RASGEF1C: variants seen among roughly 807,000 people sequenced by gnomAD.
RASGEF1C encodes the protein RasGEF domain family member 1C.
In RASGEF1C, 27 loss-of-function variants were observed where a neutral mutation model predicts 58.1. That is an observed-to-expected ratio of 0.46 (90% CI 0.34 to 0.64). The LOEUF (loss-of-function observed/expected upper bound fraction) is 0.64. Ranked by LOEUF, RASGEF1C falls within the 30% of genes least tolerant of loss-of-function variation. The pLI is 0.01. For missense variants in RASGEF1C, 502 were observed against 605.1 expected (o/e 0.83, Z 1.79); for synonymous variants, 243 against 246.3 (o/e 0.99, Z 0.13).
intron 11 of RASGEF1C, among the ~76,000 whole-genome samples, chr5:180,112,472 G>A (rs1249995011): frequency 6.6e-6 from 1 of 152,244 alleles, no homozygotes; most frequent in Non-Finnish European, 1.5e-5. Flanking sequence ...CTGGGCTATA[G>A]ATGAAGACCC....
intron 12 of RASGEF1C, among the ~76,000 whole-genome samples, chr5:180,108,204 C>T (rs1334191614): frequency 4.0e-4 from 50 of 124,970 alleles, no homozygotes; most frequent in African/African-American, 1.5e-3. Flanking sequence ...TTCTTTCTTT[C>T]TTTTTTTTTT....
intron 1 of RASGEF1C, among the ~76,000 whole-genome samples, chr5:180,200,792 C>A (rs936974948): frequency 2.0e-5 from 3 of 152,086 alleles, no homozygotes. Flanking sequence ...GGAGACAGGG[C>A]GCGCGCTCCT....
chr5:180,113,117 G>A (rs1369072954), intron 11 of RASGEF1C, among the ~76,000 whole-genome samples: 3 of 126,866 alleles, frequency 2.4e-5, no homozygotes, highest in Admixed American at 1.5e-4. Context: ...GGAGGGACCG[G>A]GGATGGACGG....
chr5:180,180,915 C>T lies in RASGEF1C; in HGVS notation c.-7+28113G>A, dbSNP rs6883639. ...CCCTTTAATTTCAATTGCAAAGAAACACCAAGAGGGATCGCCGCATACAGC... is the reference window on the plus strand; with the variant it reads ...CCCTTTAATTTCAATTGCAAAGAAATACCAAGAGGGATCGCCGCATACAGC... On this transcript the variant is annotated intron_variant, in intron 1 of 13. Coordinates refer to ENST00000361132, the MANE Select transcript of RASGEF1C (RefSeq NM_175062.4). 7.6e-3 allele frequency among the ~76,000 whole-genome samples: 1,164 copies of T among 152,318 alleles called. 16 individuals carry two copies. The highest frequency in any genetic ancestry group is 0.027 in the African/African-American group (1,108 of 41,560).
intron 1 of RASGEF1C, among the ~76,000 whole-genome samples, chr5:180,164,319 ATGAT>A (rs899866620): frequency 2.0e-5 from 3 of 152,028 alleles, no homozygotes; most frequent in African/African-American, 7.2e-5. Context: ...TGAAATTTCA[ATGAT>A]TGATTTGAGA....
In RASGEF1C at chr5:180,133,673, A is replaced by ATGT. The variant is rs1260450155; in HGVS notation, c.438+2704_438+2705insACA. On this transcript the variant is annotated intron_variant, in intron 4 of 13. Transcript: ENST00000361132. ...TATGTCTATGGTTTGCTTACAGCTA[A>ATGT]CTTGTGGGAAAGCAAAATGTGTGTG... 7.2e-3 allele frequency among the ~76,000 whole-genome samples: 1,093 copies of ATGT among 152,334 alleles called. 12 individuals are homozygous for ATGT. The highest frequency in any genetic ancestry group is 0.026 in the African/African-American group (1,060 of 41,558).
chr5:180,208,558 A>C (rs1756534196), intron 1 of RASGEF1C, among the ~76,000 whole-genome samples: 1 of 152,010 alleles, frequency 6.6e-6, no homozygotes, highest in African/African-American at 2.4e-5. Context: ...CTTTCCTCAA[A>C]TCCGATCCCA....
At chr5:180,153,178 T>C (rs1323963889) in intron 1 of RASGEF1C, among the ~76,000 whole-genome samples, 7 of 152,152 alleles carry the variant, frequency 4.6e-5, no homozygotes. Context: ...ATGGAAGCCT[T>C]TTCACCAAGT....
intron 6 of RASGEF1C, among the ~76,000 whole-genome samples, chr5:180,121,660 CACACACACACACACACACACA>C (rs1310139054): frequency 4.6e-5 from 4 of 87,010 alleles, no homozygotes; most frequent in East Asian, 4.6e-4. Flanking sequence ...CACACACACA[CACACACACACACACACACACA>C]CCCTCATTAT....
At chr5:180,106,486 G>A (rs1441509936) in intron 12 of RASGEF1C, among the ~76,000 whole-genome samples, 1 of 152,078 alleles carries the variant, frequency 6.6e-6, no homozygotes, top group Admixed American at 6.6e-5. Context: ...TTTTCAGTCA[G>A]TTCAATTATT....
intron 1 of RASGEF1C, among the ~76,000 whole-genome samples, chr5:180,201,151 C>G (rs1756388567): frequency 6.6e-6 from 1 of 152,064 alleles, no homozygotes; most frequent in African/African-American, 2.4e-5. Context: ...ACAGAGCACG[C>G]CTGAGGGTGG....
chr5:180,121,997 C>G (rs992200498), intron 6 of RASGEF1C, among the ~76,000 whole-genome samples: 1 of 152,194 alleles, frequency 6.6e-6, no homozygotes, highest in Non-Finnish European at 1.5e-5. Flanking sequence ...CGCACAAAGG[C>G]TGCTCTGTGC....
chr5:180,177,937 T>A lies in RASGEF1C; in HGVS notation c.-7+31091A>T, dbSNP rs1218071810. Among the ~76,000 whole-genome samples the A allele has an allele frequency of 1.3e-5, 2 of 151,124 alleles. No individual in the cohort carries two copies. The highest frequency in any genetic ancestry group is 2.9e-5 in the Non-Finnish European group (2 of 67,908). On this transcript the variant is annotated intron_variant, in intron 1 of 13. Transcript: ENST00000361132. The surrounding 1 kb of genome is among the most constrained non-coding windows in gnomAD (Gnocchi z 5.0). ...ACAGAGACCGAGACCATGTCCCACATCCAGCCATGCCTGAAGCCCACCTTG... is the reference window on the plus strand; with the variant it reads ...ACAGAGACCGAGACCATGTCCCACAACCAGCCATGCCTGAAGCCCACCTTG...
In RASGEF1C at chr5:180,133,254, G is replaced by A; in HGVS notation, c.438+3124C>T. Among the ~76,000 whole-genome samples, 2 of 152,208 alleles carry A rather than the reference G, an allele frequency of 1.3e-5. 1 individual carries two copies. The highest frequency in any genetic ancestry group is 2.9e-5 in the Non-Finnish European group (2 of 68,032). On this transcript the variant is annotated intron_variant, in intron 4 of 13. Transcript: ENST00000361132. ...CTTCCCGGGACTCCCCAGAACCACG[G>A]TCATGGAGAATGGCCTCCTCAGTCC...
At chr5:180,207,472 A>G (rs1430150185) in intron 1 of RASGEF1C, among the ~76,000 whole-genome samples, 1 of 152,188 alleles carries the variant, frequency 6.6e-6, no homozygotes, top group Non-Finnish European at 1.5e-5. Flanking sequence ...TACAAGTGAG[A>G]GCTGGAACCA....
Position 180,143,798 on chromosome 5 carries a change from TC to T in RASGEF1C, c.-6-5741del, listed in dbSNP as rs1295933640. On this transcript the variant is annotated intron_variant, in intron 1 of 13. Coordinates refer to ENST00000361132, the MANE Select transcript of RASGEF1C (RefSeq NM_175062.4). This position sits in a 1 kb window ranked among gnomAD's most constrained non-coding sequence, Gnocchi z 4.3. ...CCCTGTTCCTGCTGGGGTCCCCACA[TC>T]CCTCAGCATGGGTGGCTGGCATTAA... 3.9e-5 allele frequency among the ~76,000 whole-genome samples: 6 copies of T among 152,260 alleles called. No individual in the cohort carries two copies. Among genetic ancestry groups the T allele is most frequent in the Middle Eastern group, 6.8e-3 (2 of 294 alleles).
chr5:180,176,807 C>G (rs919580454), intron 1 of RASGEF1C, among the ~76,000 whole-genome samples: 1 of 152,122 alleles, frequency 6.6e-6, no homozygotes, highest in Non-Finnish European at 1.5e-5. Context: ...CCGCCCGCCT[C>G]GGCCTCCCAA....
In RASGEF1C at chr5:180,155,607, C is replaced by T. The variant is rs900899085; in HGVS notation, c.-6-17549G>A. On this transcript the variant is annotated intron_variant, in intron 1 of 13. Transcript: ENST00000361132. The surrounding 1 kb of genome is among the most constrained non-coding windows in gnomAD (Gnocchi z 5.2). ...CGGCTTGCAGGCAATCTGTTGGATG[C>T]GAGGCGACAGCACCAAGACCCACGG... Among the ~76,000 whole-genome samples, 2 of 151,946 alleles carry T rather than the reference C, an allele frequency of 1.3e-5. No individual in the cohort carries two copies. Among genetic ancestry groups the T allele is most frequent in the African/African-American group, 2.4e-5 (1 of 41,356 alleles).
chr5:180,173,987 T>C (rs1034782667), intron 1 of RASGEF1C, among the ~76,000 whole-genome samples: 1 of 148,444 alleles, frequency 6.7e-6, no homozygotes, highest in Non-Finnish European at 1.5e-5. Flanking sequence ...GGCTCAGGGG[T>C]TGGGGGGCCC....
Sources: gnomAD v4.1 joint callset for allele counts (sites outside exome capture counted in the v4.1 genomes callset) on GRCh38, gnomAD v4.1.1 for gene constraint, Gnocchi (gnomAD v3.1) non-coding constraint, MANE v1.5 for transcripts, NCBI Gene and HGNC (gene_info 2026-07-23, HGNC 2026-07-21) for gene names.